Variants in PRKDC observed in about 807,000 individuals in gnomAD.
PRKDC encodes DNA-dependent protein kinase catalytic subunit.
PRKDC carries 82 observed loss-of-function variants against 486.9 expected under a neutral mutation model. The observed-to-expected ratio is 0.17, with a 90% confidence interval of 0.14 to 0.20. The LOEUF (loss-of-function observed/expected upper bound fraction) is 0.20. Ranked by LOEUF, PRKDC falls within the 10% of genes least tolerant of loss-of-function variation. The pLI is 1.00. For synonymous variants in PRKDC, 1,895 were observed against 1,837.0 expected (o/e 1.03, Z -0.81); for missense variants, 4,504 against 5,038.2 (o/e 0.89, Z 3.21).
intron 40 of PRKDC, among the ~76,000 whole-genome samples, chr8:47,877,317 G>A (rs1387004041): frequency 6.6e-6 from 1 of 152,140 alleles, no homozygotes. Flanking sequence ...TCTGACTATG[G>A]AATTACTGAT....
At position 47,931,732 on chromosome 8, in the gene PRKDC, G is replaced by A. The variant is rs555765805; in HGVS notation, c.1777-945C>T. Among the ~76,000 whole-genome samples the A allele has an allele frequency of 3.3e-5, 5 of 152,238 alleles. No homozygotes were observed. In the South Asian group the frequency reaches 6.2e-4, roughly 19 times the overall value. ...AGTGGAGGTACTGACGCATGAACTC[G>A]AATCAGCACCATCTGGTCTGAAACA... On this transcript the variant is annotated intron_variant, in intron 16 of 85. Coordinates refer to ENST00000314191, the MANE Select transcript of PRKDC (RefSeq NM_006904.7).
At position 47,857,367 on chromosome 8, in the gene PRKDC, T is replaced by C. The variant is rs2088566972; in HGVS notation, c.6466-68A>G. On this transcript the variant is annotated intron_variant, in intron 48 of 85. Coordinates refer to ENST00000314191, the MANE Select transcript of PRKDC (RefSeq NM_006904.7). Reference sequence around the variant, plus strand: ...AATTGCCAAAATATTAATACAAGACTGTATCTTCCATCAGCTAAAATTTTA... The same window carrying C: ...AATTGCCAAAATATTAATACAAGACCGTATCTTCCATCAGCTAAAATTTTA... 6.1e-6 allele frequency: 9 copies of C among 1,477,990 alleles called. 1 individual carries two copies. In the South Asian group the frequency reaches 1.1e-4, roughly 18 times the overall value. 91.6% of individuals were successfully genotyped at this position (1,477,990 alleles called of 1,614,324 possible).
chr8:47,904,800 A>C, intron 26 of PRKDC, 69 bp downstream of exon 26: 1 of 1,272,642 alleles, frequency 7.9e-7, no homozygotes. Context: ...CAAAAACATA[A>C]ATAAATAAAC....
rs764298664 is a variant in PRKDC, at chr8:47,830,694, C to G, written c.8308G>C (p.Val2770Leu). ...ELKMKQDAQV[V>L]LYRSYRHGDL... is the part of the protein sequence containing the mutation. ...CCGTGCCGGTAGCTTCTGTACAGAACGACCTGGGCATCCTGCTTCATTTTT... is the reference window on the plus strand; with the variant it reads ...CCGTGCCGGTAGCTTCTGTACAGAAGGACCTGGGCATCCTGCTTCATTTTT... The change falls in exon 61 of 86, where the codon GTT (valine) becomes CTT (leucine). Residue 2770 changes from valine to leucine, a missense_variant. Transcript: ENST00000314191. 3 of 1,613,952 alleles carry G rather than the reference C, an allele frequency of 1.9e-6. No homozygotes were observed. Among genetic ancestry groups the G allele is most frequent in the African/African-American group, 2.7e-5 (2 of 75,040 alleles).
intron 80 of PRKDC, among the ~76,000 whole-genome samples, chr8:47,781,844 C>T (rs1415057809): frequency 1.3e-5 from 2 of 152,180 alleles, no homozygotes; most frequent in Non-Finnish European, 2.9e-5. Context: ...TAAATTGGTT[C>T]ATACACGTTA....
At chr8:47,838,827 ATG>A (rs2088081344) in intron 56 of PRKDC, among the ~76,000 whole-genome samples, 1 of 152,234 alleles carries the variant, frequency 6.6e-6, no homozygotes, top group Admixed American at 6.5e-5. Flanking sequence ...GATCTCAACT[ATG>A]TGTGTTAAAT....
At chr8:47,811,908 T>A (rs961687003) in intron 68 of PRKDC, among the ~76,000 whole-genome samples, 6 of 152,136 alleles carry the variant, frequency 3.9e-5, no homozygotes, top group Non-Finnish European at 8.8e-5. Context: ...ACCTGGGTGA[T>A]GCAGGTTGCA....
intron 54 of PRKDC, among the ~76,000 whole-genome samples, chr8:47,840,771 G>C (rs1318510535): frequency 6.6e-6 from 1 of 152,192 alleles, no homozygotes; most frequent in Non-Finnish European, 1.5e-5. Flanking sequence ...TCATACAGTA[G>C]ATACTCAGTG....
At chr8:47,815,920 T>C (rs1415260501) in intron 68 of PRKDC, among the ~76,000 whole-genome samples, 1 of 152,158 alleles carries the variant, frequency 6.6e-6, no homozygotes, top group East Asian at 1.9e-4. Context: ...TCAAAATTAT[T>C]ATCACCAGGC....
At chr8:47,818,396 G>T (rs1472274874) in intron 67 of PRKDC, among the ~76,000 whole-genome samples, 1 of 151,854 alleles carries the variant, frequency 6.6e-6, no homozygotes, top group Non-Finnish European at 1.5e-5. Context: ...TGGCTAACAT[G>T]GTGAAACCCC....
intron 40 of PRKDC, among the ~76,000 whole-genome samples, chr8:47,872,700 T>C (rs192763574): frequency 6.6e-6 from 1 of 152,132 alleles, no homozygotes; most frequent in South Asian, 2.1e-4. Flanking sequence ...TTTGAAGTCA[T>C]TATATAATGA....
At chr8:47,902,245 A>G (rs2089699171) in intron 27 of PRKDC, among the ~76,000 whole-genome samples, 1 of 152,108 alleles carries the variant, frequency 6.6e-6, no homozygotes, top group African/African-American at 2.4e-5. Flanking sequence ...TCTCCAATAT[A>G]AACCCTAGCA....
chr8:47,921,823 A>C (rs2090076619), intron 21 of PRKDC, among the ~76,000 whole-genome samples: 1 of 152,182 alleles, frequency 6.6e-6, no homozygotes, highest in African/African-American at 2.4e-5. Context: ...TTGCTCTGTC[A>C]CCCAGGCTGG....
intron 16 of PRKDC, among the ~76,000 whole-genome samples, 199 bp from the exon 17 acceptor site, chr8:47,930,986 C>A (rs1270120782): frequency 6.6e-6 from 1 of 152,148 alleles, no homozygotes; most frequent in Non-Finnish European, 1.5e-5. Flanking sequence ...ACCAAAAGGA[C>A]TCACAGGAAG....
At chr8:47,950,098 C>T (rs1264053441) in intron 7 of PRKDC, among the ~76,000 whole-genome samples, 3 of 151,556 alleles carry the variant, frequency 2.0e-5, no homozygotes, top group Admixed American at 6.6e-5. Flanking sequence ...ATGGTGAAAC[C>T]CCATCTTTAC....
intron 61 of PRKDC, among the ~76,000 whole-genome samples, chr8:47,828,934 T>A (rs1441692172): frequency 6.6e-6 from 1 of 152,216 alleles, no homozygotes; most frequent in Non-Finnish European, 1.5e-5. Flanking sequence ...CACTACCTAA[T>A]CATTTACAGC....
At chr8:47,780,870 G>A (rs1050694854) in intron 80 of PRKDC, among the ~76,000 whole-genome samples, 8 of 152,020 alleles carry the variant, frequency 5.3e-5, no homozygotes, top group African/African-American at 1.5e-4. Flanking sequence ...CCCGGGAAGC[G>A]GAGACCACAG....
Position 47,902,761 on chromosome 8 carries a change from CTT to C in PRKDC, c.3075_3076del (p.Asp1027PhefsTer11). Reference sequence around the variant, plus strand: ...TCGAATACACCGACCACAAAAATCTCTTAAAGTACTGTCAACAGGGTCCACAA... The same window carrying C: ...TCGAATACACCGACCACAAAAATCTCAAAGTACTGTCAACAGGGTCCACAA... On this transcript the variant is annotated frameshift_variant, in exon 27 of 86. Transcript: ENST00000314191. LOFTEE classifies it high-confidence loss of function. The C allele has an allele frequency of 1.9e-6, 3 of 1,613,400 alleles. No homozygotes were observed. The highest frequency in any genetic ancestry group is 2.5e-6 in the Non-Finnish European group (3 of 1,179,670).
rs8178122 is a variant in PRKDC, at chr8:47,864,562, A to G, written c.5565T>C (p.Phe1855=). The part of the protein sequence containing the change: ...VDAIDVLKSR[F]TKLNESTFDT... ...GATTTAAGGCGTATGATACCTTTGTAAACCTGGACTTCAACACATCAATGG... is the reference window on the plus strand; with the variant it reads ...GATTTAAGGCGTATGATACCTTTGTGAACCTGGACTTCAACACATCAATGG... The change falls in exon 41 of 86, where the codon TTT becomes TTC. Residue 1855 remains phenylalanine (F), a synonymous_variant. Transcript: ENST00000314191. The G allele has an allele frequency of 4.4e-6, 7 of 1,606,834 alleles. No individual in the cohort carries two copies. In the South Asian group the frequency reaches 7.8e-5, roughly 18 times the overall value.
Sources: allele counts gnomAD v4.1 joint callset (sites outside exome capture counted in the v4.1 genomes callset), GRCh38; gene constraint gnomAD v4.1.1; transcripts MANE v1.5; gene names NCBI Gene and HGNC (gene_info 2026-07-23, HGNC 2026-07-21).